The following EIF3D variants were observed in gnomAD, a reference collection of about 807,000 sequenced individuals.
EIF3D encodes eukaryotic translation initiation factor 3 subunit D, also known as eIF3 p66.
In EIF3D, 10 loss-of-function variants were observed where a neutral mutation model predicts 75.4. That is an observed-to-expected ratio of 0.13 (90% confidence interval 0.08 to 0.22). The LOEUF (loss-of-function observed/expected upper bound fraction) is 0.22, where lower values mean the gene tolerates loss of function less well. Among genes scored for constraint, EIF3D ranks in the 10% least tolerant of loss-of-function variants. The probability of loss-of-function intolerance (pLI) is 1.00; values close to 1 mark genes in which losing one functional copy is unlikely to be tolerated. For missense variants in EIF3D, 394 were observed against 708.0 expected (o/e 0.56, Z 5.03); for synonymous variants, 246 against 248.3 (o/e 0.99, Z 0.09).
At chr22:36,516,198 T>A (rs1345109489) in intron 12 of EIF3D, 4 of 314,124 alleles carry the variant, frequency 1.3e-5, no homozygotes, top group African/African-American at 8.6e-5. Flanking sequence ...GGAACAGAGA[T>A]GAAGAAAGTA....
chr22:36,523,118 A>G (rs1485938913), intron 6 of EIF3D, 91 bp downstream of exon 6: 1 of 1,026,220 alleles, frequency 9.7e-7, no homozygotes, highest in Non-Finnish European at 1.5e-6. Context: ...ATTGTACGGT[A>G]TGTGAAGTAT....
intron 1 of EIF3D, among the ~76,000 whole-genome samples, chr22:36,527,287 A>G (rs1159074087): frequency 6.6e-6 from 1 of 152,230 alleles, no homozygotes; most frequent in Admixed American, 6.5e-5. Flanking sequence ...CACTCTCCAG[A>G]TAAGAAAACC....
At chr22:36,512,634 C>A in intron 12 of EIF3D, 32 bp from the exon 13 acceptor site, 1 of 1,596,634 alleles carries the variant, frequency 6.3e-7, no homozygotes, top group South Asian at 1.1e-5. Flanking sequence ...GAAACAGAAG[C>A]AAGCTCCAAA....
In EIF3D at chr22:36,526,092, C is replaced by G. The variant is rs1277736905; in HGVS notation, c.30G>C (p.Gln10His). MAKFMTPVI[Q>H]DNPSGWGPCA... ...AGGGACCCCAGCCTGAGGGGTTGTC[C>G]TGGATCACGGGTGTCATGAACTTTG... The change falls in exon 2 of 15, where the codon CAG (glutamine) becomes CAC (histidine). Residue 10 changes from glutamine (Q) to histidine (H), a missense_variant. Coordinates refer to ENST00000216190, the MANE Select transcript of EIF3D (RefSeq NM_003753.4). 1 of 1,611,852 alleles carries G rather than the reference C, an allele frequency of 6.2e-7. No homozygotes were observed. Among genetic ancestry groups the G allele is most frequent in the Non-Finnish European group, 8.5e-7 (1 of 1,178,928 alleles).
In EIF3D at chr22:36,525,612, G is replaced by C. The variant is rs73886821; in HGVS notation, c.169+52C>G. ...TTCAGAAGAAGGTCATTAGAATAAA[G>C]AACAACTTTCCCAAGGCCCTGATTG... is the stretch of plus-strand genomic sequence containing the variant. On this transcript the variant is annotated intron_variant, in intron 3 of 14. Transcript: ENST00000216190. 6,896 of 1,591,774 alleles carry C rather than the reference G, an allele frequency of 4.3e-3. 263 individuals are homozygous for C. The African/African-American group carries it at 0.082, about 19-fold the overall frequency.
intron 12 of EIF3D, among the ~76,000 whole-genome samples, chr22:36,514,960 GT>G (rs1055336134): frequency 6.6e-6 from 1 of 151,768 alleles, no homozygotes. Context: ...AGATCTGGTT[GT>G]TTAAAAGTGT....
At chr22:36,525,598 G>A in intron 3 of EIF3D, 66 bp downstream of exon 3, 2 of 1,532,516 alleles carry the variant, frequency 1.3e-6, no homozygotes, top group Non-Finnish European at 1.8e-6. Context: ...TCAGAAGAAG[G>A]TCATTAGAAT....
At chr22:36,512,089 A>G (rs569357081) in intron 13 of EIF3D, among the ~76,000 whole-genome samples, 16 of 152,134 alleles carry the variant, frequency 1.1e-4, no homozygotes, top group East Asian at 5.8e-4. Context: ...ACAGGGTTTC[A>G]TCGTGTTAGC....
intron 1 of EIF3D, chr22:36,526,759 CTG>C (rs1410840262): frequency 6.6e-6 from 1 of 152,142 alleles, no homozygotes; most frequent in Admixed American, 6.6e-5. Flanking sequence ...TGGCTATTTT[CTG>C]TGTTTTTAGT....
At chr22:36,522,397 C>T (rs1053098000) in intron 6 of EIF3D, among the ~76,000 whole-genome samples, 2 of 152,058 alleles carry the variant, frequency 1.3e-5, no homozygotes, top group African/African-American at 4.8e-5. Context: ...GGGATGCAAA[C>T]CCCGAGTATA....
At position 36,518,797 on chromosome 22, in the gene EIF3D, T is replaced by C. The variant is rs371464065; in HGVS notation, c.825A>G (p.Lys275=). ...WDIVVQRVGS[K]LFFDKRDNSD... is the part of the protein sequence containing the mutation. The stretch of plus-strand genomic sequence containing the variant: ...AGTTGTCTCTCTTGTCAAAGAAGAG[T>C]TTGGACCCAACTCTCTGGACGACAA... The change falls in exon 9 of 15, where the codon AAA becomes AAG. Residue 275 remains lysine (K), a synonymous_variant. Transcript: ENST00000216190. 4 of 1,613,942 alleles carry C rather than the reference T, an allele frequency of 2.5e-6. No homozygotes were observed. In the South Asian group the frequency reaches 4.4e-5, roughly 18 times the overall value.
chr22:36,525,795 A>G, intron 2 of EIF3D, 86 bp from the exon 3 acceptor site: 2 of 1,533,194 alleles, frequency 1.3e-6, no homozygotes, highest in Non-Finnish European at 1.8e-6. Flanking sequence ...GCGAGAGGAC[A>G]GCGTGGAAGA....
chr22:36,512,310 G>T, intron 13 of EIF3D, 150 bp downstream of exon 13: 1 of 1,053,406 alleles, frequency 9.5e-7, no homozygotes, highest in Non-Finnish European at 1.4e-6. Context: ...TTTGGCATTT[G>T]TCTCCTAACT....
intron 6 of EIF3D, 87 bp downstream of exon 6, chr22:36,523,122 G>A: frequency 9.3e-7 from 1 of 1,072,260 alleles, no homozygotes; most frequent in South Asian, 1.3e-5. Flanking sequence ...TACGGTATGT[G>A]AAGTATATCT....
chr22:36,515,235 T>C (rs1603498774), intron 12 of EIF3D, among the ~76,000 whole-genome samples: 1 of 152,132 alleles, frequency 6.6e-6, no homozygotes, highest in East Asian at 1.9e-4. Flanking sequence ...AGCTAATAAA[T>C]TGGTATTGTT....
At chr22:36,514,056 GACAGCAAAGCCTTCTATTTTGCTA>G (rs6147612) in intron 12 of EIF3D, among the ~76,000 whole-genome samples, 4,023 of 152,224 alleles carry the variant, frequency 0.026, 188 homozygotes, top group African/African-American at 0.093. Context: ...AGATTCAGAA[GACAGCAAAGCCTTCTATTTTGCTA>G]ACAGCAAAAC....
At chr22:36,525,760 T>C in intron 2 of EIF3D, 51 bp from the exon 3 acceptor site, 1 of 1,593,530 alleles carries the variant, frequency 6.3e-7, no homozygotes, top group Non-Finnish European at 8.5e-7. Context: ...CAGGCAAGTT[T>C]CTGCAGAACC....
At chr22:36,522,231 A>AT (rs1934525238) in intron 6 of EIF3D, among the ~76,000 whole-genome samples, 1 of 152,058 alleles carries the variant, frequency 6.6e-6, no homozygotes, top group Non-Finnish European at 1.5e-5. Flanking sequence ...GTGCATGCCT[A>AT]TAGTCTCAGC....
chr22:36,514,038 T>A (rs1934384434), intron 12 of EIF3D, among the ~76,000 whole-genome samples: 1 of 152,018 alleles, frequency 6.6e-6, no homozygotes, highest in East Asian at 1.9e-4. Context: ...ATCAGTGAAA[T>A]CCAGGACAGA....
Sources: gnomAD v4.1 joint callset for allele counts (sites outside exome capture counted in the v4.1 genomes callset) on GRCh38, gnomAD v4.1.1 for gene constraint, MANE v1.5 for transcripts, NCBI Gene and HGNC (gene_info 2026-07-23, HGNC 2026-07-21) for gene names.